TGFBR3: variants seen among roughly 807,000 people sequenced by gnomAD.
TGFBR3 encodes transforming growth factor beta receptor type 3.
A neutral mutation model predicts 87.9 loss-of-function variants in TGFBR3; 46 were observed. The observed-to-expected ratio is 0.52, with a 90% CI of 0.41 to 0.67. The LOEUF is 0.67. Among genes scored for constraint, TGFBR3 ranks in the 30% least tolerant of loss-of-function variants. The probability of loss-of-function intolerance (pLI) is 0.00; values close to 1 mark genes in which losing one functional copy is unlikely to be tolerated. For missense variants in TGFBR3, 866 were observed against 1,041.9 expected, an observed-to-expected ratio of 0.83 and a Z score of 2.32; for synonymous variants, 381 against 391.6, an observed-to-expected ratio of 0.97 and a Z score of 0.32.
chr1:91,768,342 G>T (rs74200473), intron 3 of TGFBR3, among the ~76,000 whole-genome samples: 1 of 152,270 alleles, frequency 6.6e-6, no homozygotes, highest in South Asian at 2.1e-4. Flanking sequence ...CTATCTCAGA[G>T]CATGGGGTGG....
chr1:91,696,520 T>C (rs1006671203), intron 15 of TGFBR3, among the ~76,000 whole-genome samples: 8 of 152,192 alleles, frequency 5.3e-5, no homozygotes, highest in African/African-American at 1.7e-4. Context: ...ATAGAACCAA[T>C]TGTTTCTCCA....
chr1:91,818,304 T>A, intron 2 of TGFBR3, among the ~76,000 whole-genome samples: 1 of 36,122 alleles, frequency 2.8e-5, no homozygotes, highest in Non-Finnish European at 5.0e-5. Context: ...TTTTTTTTTT[T>A]TTTTTTTTTT....
chr1:91,746,471 C>T (rs550959888), intron 4 of TGFBR3, among the ~76,000 whole-genome samples: 1 of 152,112 alleles, frequency 6.6e-6, no homozygotes, highest in African/African-American at 2.4e-5. Context: ...GAGCTTACCC[C>T]CAAATTCAAA....
At chr1:91,734,526 C>G (rs1289496168) in intron 5 of TGFBR3, among the ~76,000 whole-genome samples, 1 of 152,196 alleles carries the variant, frequency 6.6e-6, no homozygotes, top group Non-Finnish European at 1.5e-5. Flanking sequence ...ACACAACAAC[C>G]TTCTCCTCTC....
At chr1:91,789,253 G>T (rs1362425096) in intron 3 of TGFBR3, among the ~76,000 whole-genome samples, 1 of 152,196 alleles carries the variant, frequency 6.6e-6, no homozygotes, top group African/African-American at 2.4e-5. Flanking sequence ...GTTGCAGTGA[G>T]CCAAGATCGT....
At chr1:91,872,809 C>T (rs1457276637) in intron 1 of TGFBR3, among the ~76,000 whole-genome samples, 1 of 152,208 alleles carries the variant, frequency 6.6e-6, no homozygotes, top group Non-Finnish European at 1.5e-5. Context: ...AAATGGGAGT[C>T]TTCCCAAACC....
Position 91,886,073 on chromosome 1 carries a change from G to A in TGFBR3, c.-309C>T. ...GGAATCGCGCAGGGAAAGTGGCCGG[G>A]GCGCGAGAGCCGCCGACTGCCCTCC... On this transcript the variant is annotated 5_prime_UTR_variant, in exon 1 of 17. Coordinates refer to ENST00000212355, the MANE Select transcript of TGFBR3 (RefSeq NM_003243.5). The A allele has an allele frequency of 2.2e-6, 1 of 454,106 alleles. No individual in the cohort carries two copies. Among genetic ancestry groups the A allele is most frequent in the Non-Finnish European group, 4.4e-6 (1 of 226,780 alleles). The allele number at this position is 454,106 out of a possible 1,614,324, so 28.1% of individuals were successfully genotyped here.
intron 4 of TGFBR3, among the ~76,000 whole-genome samples, chr1:91,747,175 T>C (rs1673379161): frequency 6.6e-6 from 1 of 152,218 alleles, no homozygotes; most frequent in African/African-American, 2.4e-5. Flanking sequence ...AATGATGCTC[T>C]TTCCACTGTG....
chr1:91,882,040 A>AAAAT (rs61260637), intron 1 of TGFBR3, among the ~76,000 whole-genome samples: 11 of 146,338 alleles, frequency 7.5e-5, no homozygotes, highest in Admixed American at 2.0e-4. Flanking sequence ...CTTTGTCTCA[A>AAAAT]AAATAAATAA....
intron 1 of TGFBR3, among the ~76,000 whole-genome samples, chr1:91,870,533 C>G (rs908600854): frequency 1.3e-5 from 2 of 152,194 alleles, no homozygotes; most frequent in African/African-American, 4.8e-5. Context: ...ACCTTATTCC[C>G]CTTCCTGTCA....
At chr1:91,885,387 C>T (rs1322080815) in intron 1 of TGFBR3, among the ~76,000 whole-genome samples, 1 of 151,478 alleles carries the variant, frequency 6.6e-6, no homozygotes, top group Non-Finnish European at 1.5e-5. Flanking sequence ...CTGCAGCTTG[C>T]GGCTCAGCCC....
In TGFBR3 at chr1:91,861,581, A is replaced by G. The variant is rs763840812; in HGVS notation, c.-50T>C. On this transcript the variant is annotated 5_prime_UTR_variant, in exon 2 of 17. Coordinates refer to ENST00000212355, the MANE Select transcript of TGFBR3 (RefSeq NM_003243.5). ...CGTCCAGTCACTTCAGCCTGCTCAG[A>G]GCACAGACAATCTTTGCAAATCAGA... 20 of 1,438,026 alleles carry G rather than the reference A, an allele frequency of 1.4e-5. No individual in the cohort carries two copies. The highest frequency in any genetic ancestry group is 1.9e-5 in the Non-Finnish European group (19 of 1,019,766). The allele number at this position is 1,438,026 out of a possible 1,614,324, so 89.1% of individuals were successfully genotyped here.
chr1:91,900,572 A>G lies in TGFBR3; in HGVS notation c.-174-875T>C, dbSNP rs147327866. Among the ~76,000 whole-genome samples, 22 of 152,354 alleles carry G rather than the reference A, an allele frequency of 1.4e-4. No individual in the cohort carries two copies. The East Asian group carries it at 4.2e-3, about 29-fold the overall frequency. On this transcript the variant is annotated intron_variant, in intron 1 of 17. Transcript: ENST00000370399. ...CTAATGAAATAGCTAGTTTTTTCTT[A>G]TAAAACAAAATAGAAAAGTATCACA...
intron 2 of TGFBR3, among the ~76,000 whole-genome samples, chr1:91,806,081 G>A (rs1675817029): frequency 6.6e-6 from 1 of 152,150 alleles, no homozygotes; most frequent in African/African-American, 2.4e-5. Flanking sequence ...ATCACCTTTG[G>A]TTGACTTAAA....
intron 2 of TGFBR3, among the ~76,000 whole-genome samples, chr1:91,818,504 A>G (rs945506011): frequency 6.6e-6 from 1 of 152,094 alleles, no homozygotes; most frequent in Admixed American, 6.5e-5. Context: ...CACTTTATAC[A>G]CTACTCATAG....
intron 2 of TGFBR3, among the ~76,000 whole-genome samples, chr1:91,893,814 C>A (rs1001616628): frequency 2.0e-5 from 3 of 150,864 alleles, no homozygotes; most frequent in Non-Finnish European, 4.4e-5. Flanking sequence ...AAGAATGTTT[C>A]TCTTCAAAAA....
At chr1:91,804,182 GA>G (rs371497157) in intron 2 of TGFBR3, among the ~76,000 whole-genome samples, 8 of 147,714 alleles carry the variant, frequency 5.4e-5, no homozygotes, top group Admixed American at 2.7e-4. Context: ...AAAAGGGGCA[GA>G]AAAAAAAAAC....
At chr1:91,695,040 AG>A (rs1671382206) in intron 16 of TGFBR3, among the ~76,000 whole-genome samples, 1 of 151,542 alleles carries the variant, frequency 6.6e-6, no homozygotes, top group Admixed American at 6.6e-5. Flanking sequence ...TGGGATTGGT[AG>A]GGAGGAGCAC....
rs985604989 is a variant in TGFBR3, at chr1:91,689,080, G to A, written c.2438-5223C>T. ...GATGAATGCCTTCGGCTTTCCTGGT[G>A]TCTATTGGTGTGTCTTTTTCTCTCA... On this transcript the variant is annotated intron_variant, in intron 16 of 16. Transcript: ENST00000212355. Among the ~76,000 whole-genome samples the A allele has an allele frequency of 4.6e-5, 7 of 152,286 alleles. No individual in the cohort carries two copies. The South Asian group carries it at 6.2e-4, about 14-fold the overall frequency.
Sources: gnomAD v4.1 joint callset for allele counts (sites outside exome capture counted in the v4.1 genomes callset) on GRCh38, gnomAD v4.1.1 for gene constraint, MANE v1.5 for transcripts, NCBI Gene and HGNC (gene_info 2026-07-23, HGNC 2026-07-21) for gene names.